The following CADPS2 variants were observed in gnomAD, a reference collection of about 807,000 sequenced individuals.
CADPS2 encodes the protein calcium-dependent secretion activator 2.
Under a neutral mutation model 172.5 loss-of-function variants are expected in CADPS2, and 93 were observed. The observed-to-expected ratio is 0.54, with a 90% CI of 0.46 to 0.64. The LOEUF is 0.64. Ranked by LOEUF, CADPS2 falls within the 30% of genes least tolerant of loss-of-function variation. CADPS2 has a pLI of 0.00. For missense variants in CADPS2, 1,420 were observed against 1,565.9 expected, an observed-to-expected ratio of 0.91 and a Z score of 1.57; for synonymous variants, 546 against 555.2, an observed-to-expected ratio of 0.98 and a Z score of 0.23.
intron 14 of CADPS2, among the ~76,000 whole-genome samples, chr7:122,452,089 T>C (rs935773288): frequency 2.0e-5 from 3 of 152,186 alleles, no homozygotes; most frequent in African/African-American, 4.8e-5. Flanking sequence ...CAATGTGAGT[T>C]TCATCAGAAT....
chr7:122,407,026 A>G (rs1563258691), intron 20 of CADPS2, among the ~76,000 whole-genome samples: 1 of 152,250 alleles, frequency 6.6e-6, no homozygotes, highest in Non-Finnish European at 1.5e-5. Context: ...GAGAGCTTTT[A>G]CATTCTCCTT....
chr7:122,590,178 C>CA (rs374592911), intron 6 of CADPS2, among the ~76,000 whole-genome samples: 6 of 151,468 alleles, frequency 4.0e-5, no homozygotes, highest in African/African-American at 1.5e-4. Context: ...AACAAACAAA[C>CA]AAAAAAACAA....
chr7:122,790,032 T>G (rs1794932261), intron 1 of CADPS2, among the ~76,000 whole-genome samples: 1 of 150,820 alleles, frequency 6.6e-6, no homozygotes. Context: ...TTAAGTGTTT[T>G]TTTTTTTTTT....
At chr7:122,811,457 T>C (rs1374140999) in intron 1 of CADPS2, among the ~76,000 whole-genome samples, 1 of 152,194 alleles carries the variant, frequency 6.6e-6, no homozygotes, top group Non-Finnish European at 1.5e-5. Flanking sequence ...AAATTGAATA[T>C]CTGGATAATT....
At chr7:122,472,770 T>C (rs1388955015) in intron 13 of CADPS2, among the ~76,000 whole-genome samples, 1 of 152,212 alleles carries the variant, frequency 6.6e-6, no homozygotes, top group African/African-American at 2.4e-5. Context: ...CATGTGATTG[T>C]AAAGTTTGAG....
intron 1 of CADPS2, among the ~76,000 whole-genome samples, chr7:122,787,814 GTCCACCACAT>G (rs1236874568): frequency 2.6e-5 from 4 of 152,156 alleles, no homozygotes; most frequent in African/African-American, 9.7e-5. Context: ...ACTCACAAAA[GTCCACCACAT>G]TCAGGGAGTG....
rs747942370 is a variant in CADPS2 at position 122,663,345 on chromosome 7, T to A, written c.678A>T (p.Leu226=). The A allele has an allele frequency of 8.1e-6, 13 of 1,613,846 alleles. No homozygotes were observed. Among genetic ancestry groups the A allele is most frequent in the Middle Eastern group, 1.6e-4 (1 of 6,084 alleles). ...TCAGAATAAGTTCAGACACTGCACT[T>A]AGGGCCATTCTATTTGGCTGTTTGC... The part of the protein sequence containing the change: ...DLCKQPNRMA[L]SAVSELILSK... Residue 226 remains leucine (L), a synonymous_variant, in exon 3 of 30, where the codon CTA becomes CTT. Transcript: ENST00000449022.
chr7:122,793,416 T>C (rs938754627), intron 1 of CADPS2, among the ~76,000 whole-genome samples: 3 of 152,192 alleles, frequency 2.0e-5, no homozygotes, highest in Non-Finnish European at 4.4e-5. Flanking sequence ...TTTGTTGGTT[T>C]AAAGTCTGTT....
chr7:122,422,462 T>C (rs2048636142), intron 17 of CADPS2, among the ~76,000 whole-genome samples: 1 of 152,104 alleles, frequency 6.6e-6, no homozygotes, highest in African/African-American at 2.4e-5. Flanking sequence ...TCCTTTTCCC[T>C]CTCCCCACTA....
chr7:122,743,440 C>A (rs1407044517), intron 1 of CADPS2, among the ~76,000 whole-genome samples: 1 of 152,114 alleles, frequency 6.6e-6, no homozygotes, highest in East Asian at 1.9e-4. Context: ...ACCTAGCAAC[C>A]ATGGCTGCAT....
chr7:122,702,570 C>T lies in CADPS2; in HGVS notation c.453+34385G>A, dbSNP rs1251983160. ...TCCAGAGGAGAATGATTCCCGAACACTCCACTCTCTCCTAATTCCGATGTG... is the reference window on the plus strand; with the variant it reads ...TCCAGAGGAGAATGATTCCCGAACATTCCACTCTCTCCTAATTCCGATGTG... On this transcript the variant is annotated intron_variant, in intron 2 of 29. Coordinates refer to ENST00000449022, the MANE Select transcript of CADPS2 (RefSeq NM_017954.11). 1.2e-6 allele frequency: 2 copies of T among 1,613,642 alleles called. No individual in the cohort carries two copies. The highest frequency in any genetic ancestry group is 3.3e-5 in the Admixed American group (2 of 59,942).
intron 1 of CADPS2, among the ~76,000 whole-genome samples, chr7:122,870,449 G>C (rs1045352479): frequency 2.0e-5 from 3 of 151,938 alleles, no homozygotes; most frequent in South Asian, 2.1e-4. Context: ...TAGAAAGATA[G>C]CCACCAGAGG....
chr7:122,780,874 T>C (rs958208430), intron 1 of CADPS2, among the ~76,000 whole-genome samples: 3 of 146,506 alleles, frequency 2.0e-5, no homozygotes, highest in African/African-American at 5.2e-5. Flanking sequence ...GTTTTGGTTT[T>C]ATGTGACTAC....
At chr7:122,533,685 T>TA (rs1055062427) in intron 8 of CADPS2, among the ~76,000 whole-genome samples, 3 of 152,130 alleles carry the variant, frequency 2.0e-5, no homozygotes, top group Non-Finnish European at 4.4e-5. Flanking sequence ...GTCATGTTAA[T>TA]AAAAAAAGCA....
At chr7:122,837,133 A>G (rs1409737581) in intron 1 of CADPS2, among the ~76,000 whole-genome samples, 1 of 152,160 alleles carries the variant, frequency 6.6e-6, no homozygotes, top group Non-Finnish European at 1.5e-5. Flanking sequence ...CTCACTCAAA[A>G]CCGCTCAACT....
intron 20 of CADPS2, among the ~76,000 whole-genome samples, chr7:122,401,170 G>C (rs1055828013): frequency 6.6e-5 from 10 of 152,126 alleles, no homozygotes; most frequent in Non-Finnish European, 7.4e-5. Flanking sequence ...TCTTTACGAA[G>C]GTGAAAGTCT....
intron 7 of CADPS2, among the ~76,000 whole-genome samples, chr7:122,565,269 T>C (rs2066310241): frequency 6.6e-6 from 1 of 151,886 alleles, no homozygotes; most frequent in Non-Finnish European, 1.5e-5. Context: ...ATTTTATATG[T>C]ATGCAAACTA....
intron 9 of CADPS2, among the ~76,000 whole-genome samples, chr7:122,509,549 T>C (rs968150840): frequency 7.2e-5 from 11 of 152,188 alleles, no homozygotes; most frequent in African/African-American, 2.4e-4. Context: ...TCCCTGGCCA[T>C]TTTTCCAATA....
At chr7:122,439,209 A>G (rs1209488074) in intron 16 of CADPS2, among the ~76,000 whole-genome samples, 1 of 152,182 alleles carries the variant, frequency 6.6e-6, no homozygotes, top group Non-Finnish European at 1.5e-5. Flanking sequence ...TCCAGAATTC[A>G]AAATGTAATG....
Sources: allele counts gnomAD v4.1 joint callset (sites outside exome capture counted in the v4.1 genomes callset), GRCh38; gene constraint gnomAD v4.1.1; transcripts MANE v1.5; gene names NCBI Gene and HGNC (gene_info 2026-07-23, HGNC 2026-07-21).